The following ATP11A variants were observed in gnomAD, a reference collection of about 807,000 sequenced individuals.
ATP11A encodes phospholipid-transporting ATPase IH.
In ATP11A, 81 loss-of-function variants were observed where a neutral mutation model predicts 154.4. The observed-to-expected ratio is 0.52, with a 90% CI of 0.44 to 0.63. The LOEUF (loss-of-function observed/expected upper bound fraction) is 0.63. Among genes scored for constraint, ATP11A ranks in the 30% least tolerant of loss-of-function variants. The pLI is 0.00. For missense variants in ATP11A, 1,316 were observed against 1,474.3 expected (o/e 0.89, Z 1.76); for synonymous variants, 623 against 585.9 (o/e 1.06, Z -0.91).
chr13:112,735,576 T>G (rs757073460), intron 1 of ATP11A, among the ~76,000 whole-genome samples: 1 of 152,240 alleles, frequency 6.6e-6, no homozygotes, highest in African/African-American at 2.4e-5. Flanking sequence ...CGAGAGGTTG[T>G]GATGCTTGCT....
chr13:112,728,970 C>T (rs1406769652), intron 1 of ATP11A, among the ~76,000 whole-genome samples: 1 of 152,110 alleles, frequency 6.6e-6, no homozygotes, highest in African/African-American at 2.4e-5. Flanking sequence ...CAAGCAAATG[C>T]AGTGATCAGA....
In ATP11A at chr13:112,785,005, C is replaced by T; in HGVS notation, c.40-130C>T. 1 of 1,209,726 alleles carries T rather than the reference C, an allele frequency of 8.3e-7. No homozygotes were observed. The highest frequency in any genetic ancestry group is 2.4e-5 in the South Asian group (1 of 41,396). The allele number at this position is 1,209,726 out of a possible 1,614,324, so 74.9% of individuals were successfully genotyped here. A position where few individuals can be genotyped will look rare whatever the true frequency, so the allele number is the denominator to read the frequency against. On this transcript the variant is annotated intron_variant, in intron 1 of 29. Transcript: ENST00000375645. This position sits in a 1 kb window ranked among gnomAD's most constrained non-coding sequence, Gnocchi z 4.8. The stretch of plus-strand genomic sequence containing the variant: ...TGCTGGGCCCCAGGTCTCCCTGCAG[C>T]CCTGAACGATGCTCTCAGCAGCAGG...
At position 112,752,512 on chromosome 13, in the gene ATP11A, G is replaced by A. The variant is rs564830199; in HGVS notation, c.40-32623G>A. On this transcript the variant is annotated intron_variant, in intron 1 of 29. Coordinates refer to ENST00000375645, the MANE Select transcript of ATP11A (RefSeq NM_015205.3). ...TGTGCGGAGCGGGCTGTGAGGGACG[G>A]GGGCTCCTCTTTCTGTCCCCACCCC... Among the ~76,000 whole-genome samples the A allele has an allele frequency of 9.9e-4, 150 of 152,276 alleles. 4 individuals are homozygous for A. In the South Asian group the frequency reaches 0.028, roughly 28 times the overall value.
At chr13:112,865,675 A>T (rs1266739645) in intron 25 of ATP11A, among the ~76,000 whole-genome samples, 4 of 152,136 alleles carry the variant, frequency 2.6e-5, no homozygotes, top group Non-Finnish European at 5.9e-5. Flanking sequence ...TCAGCTTCCC[A>T]AGTAGCTGGG....
At position 112,697,160 on chromosome 13, in the gene ATP11A, T is replaced by C. The variant is rs282586; in HGVS notation, c.39+6705T>C. On this transcript the variant is annotated intron_variant, in intron 1 of 29. Coordinates refer to ENST00000375645, the MANE Select transcript of ATP11A (RefSeq NM_015205.3). This position sits in a 1 kb window ranked among gnomAD's most constrained non-coding sequence, Gnocchi z 4.0. The stretch of plus-strand genomic sequence containing the variant: ...GGGGCCTTCCGTGGGCTGCTTCCTG[T>C]GGCGTCCTGCGGGCTGGCCGCCCCT... Among the ~76,000 whole-genome samples the C allele has an allele frequency of 0.85, 129,109 of 152,192 alleles. 54,997 individuals are homozygous for C. The highest frequency in any genetic ancestry group is 0.95 in the East Asian group (4,920 of 5,156).
chr13:112,695,153 G>A (rs963630058), intron 1 of ATP11A, among the ~76,000 whole-genome samples: 4 of 151,984 alleles, frequency 2.6e-5, no homozygotes, highest in African/African-American at 4.8e-5. Context: ...GGACCTTGCT[G>A]TTGTTCAGCT....
At chr13:112,732,574 C>A (rs1160973083) in intron 1 of ATP11A, among the ~76,000 whole-genome samples, 2 of 152,182 alleles carry the variant, frequency 1.3e-5, no homozygotes, top group Admixed American at 6.5e-5. Flanking sequence ...AAAGCACTTA[C>A]AAATTTATTT....
chr13:112,808,557 C>T (rs2078391931), intron 4 of ATP11A, among the ~76,000 whole-genome samples: 1 of 151,566 alleles, frequency 6.6e-6, no homozygotes, highest in Admixed American at 6.6e-5. Context: ...TGGGACTTTC[C>T]CAAATGGCCT....
chr13:112,846,169 C>T lies in ATP11A; in HGVS notation c.1809+3790C>T, dbSNP rs9604461. On this transcript the variant is annotated intron_variant, in intron 17 of 29. Coordinates refer to ENST00000375645, the MANE Select transcript of ATP11A (RefSeq NM_015205.3). The stretch of plus-strand genomic sequence containing the variant: ...GTGATGCTGTGTTTCTTTGCTCAGC[C>T]GTGTTGAGCATCTCGGATCTGCGGC... Among the ~76,000 whole-genome samples, 1,010 of 152,190 alleles carry T rather than the reference C, an allele frequency of 6.6e-3. 18 individuals are homozygous for T. The highest frequency in any genetic ancestry group is 0.023 in the African/African-American group (950 of 41,500).
At chr13:112,793,311 C>T (rs568963645) in intron 2 of ATP11A, among the ~76,000 whole-genome samples, 3 of 152,320 alleles carry the variant, frequency 2.0e-5, no homozygotes, top group Non-Finnish European at 4.4e-5. Context: ...AAGTGATTCT[C>T]CTGCCTCAGC....
intron 1 of ATP11A, among the ~76,000 whole-genome samples, chr13:112,699,389 A>G (rs1372965768): frequency 6.6e-6 from 1 of 152,178 alleles, no homozygotes; most frequent in Non-Finnish European, 1.5e-5. Flanking sequence ...CTTGGAAGGC[A>G]TATTAGAAGT....
At chr13:112,852,781 T>C (rs2079804371) in intron 18 of ATP11A, among the ~76,000 whole-genome samples, 1 of 125,414 alleles carries the variant, frequency 8.0e-6, no homozygotes, top group African/African-American at 3.4e-5. Flanking sequence ...TAATGCCTGG[T>C]TGGCGGGGGG....
intron 1 of ATP11A, among the ~76,000 whole-genome samples, chr13:112,727,972 G>A (rs1327824874): frequency 6.6e-6 from 1 of 152,264 alleles, no homozygotes; most frequent in African/African-American, 2.4e-5. Flanking sequence ...GTTCCAGCAA[G>A]GGCCGTGTCT....
chr13:112,877,403 C>T lies in ATP11A; in HGVS notation c.3328-814C>T, dbSNP rs142830928. On this transcript the variant is annotated intron_variant, in intron 28 of 29. Transcript: ENST00000375645. ...GCTCTTTAGCTGTGCAGTTCCACAG[C>T]GGGCACACGTGTTCATGACAGGGCT... Among the ~76,000 whole-genome samples, 128 of 152,330 alleles carry T rather than the reference C, an allele frequency of 8.4e-4. 1 individual carries two copies. The highest frequency in any genetic ancestry group is 3.4e-3 in the Middle Eastern group (1 of 294).
chr13:112,862,386 G>T (rs1355706676), intron 24 of ATP11A, 54 bp from the exon 25 acceptor site: 2 of 1,604,586 alleles, frequency 1.2e-6, no homozygotes, highest in African/African-American at 1.3e-5. Flanking sequence ...GCCTGGGGGA[G>T]GTGCCGGGCC....
chr13:112,691,483 G>GGTGTGT (rs58956060), intron 1 of ATP11A, among the ~76,000 whole-genome samples: 2,304 of 125,082 alleles, frequency 0.018, 40 homozygotes, highest in African/African-American at 0.041. Flanking sequence ...AAAAAAAAAG[G>GGTGTGT]GTGTGTGTGT....
rs1033170014 is a variant in ATP11A, at chr13:112,887,134, T to C, written c.*5268T>C. The C allele has an allele frequency of 6.6e-6, 1 of 152,372 alleles. No homozygotes were observed. Among genetic ancestry groups the C allele is most frequent in the Middle Eastern group, 3.4e-3 (1 of 294 alleles). The allele number at this position is 152,372 out of a possible 1,614,324, so 9.4% of individuals were successfully genotyped here. On this transcript the variant is annotated 3_prime_UTR_variant, in exon 30 of 30. Coordinates refer to ENST00000375645, the MANE Select transcript of ATP11A (RefSeq NM_015205.3). Reference sequence around the variant, plus strand: ...ATCTGCTTGCAATAAAGAATAAAAGTCTGCTTCAGTTTCTTTATAAAGAAA... The same window carrying C: ...ATCTGCTTGCAATAAAGAATAAAAGCCTGCTTCAGTTTCTTTATAAAGAAA...
chr13:112,834,734 G>A (rs1255915479), intron 15 of ATP11A, 74 bp downstream of exon 15: 2 of 1,263,418 alleles, frequency 1.6e-6, no homozygotes, highest in Non-Finnish European at 2.3e-6. Context: ...TTCTGCGTTT[G>A]AGGGAAAAGA....
In ATP11A at chr13:112,836,268, T is replaced by C; in HGVS notation, c.1705+17T>C. 6.5e-7 allele frequency: 1 copy of C among 1,536,280 alleles called. No homozygotes were observed. The highest frequency in any genetic ancestry group is 9.0e-7 in the Non-Finnish European group (1 of 1,112,772). Reference sequence around the variant, plus strand: ...CTGCTACAGGTAAAATTTCTTTTTCTTTTGATTTATTAAGTTATACGTGGT... The same window carrying C: ...CTGCTACAGGTAAAATTTCTTTTTCCTTTGATTTATTAAGTTATACGTGGT... On this transcript the variant is annotated intron_variant, in intron 16 of 29. Coordinates refer to ENST00000375645, the MANE Select transcript of ATP11A (RefSeq NM_015205.3).
Sources: gnomAD v4.1 joint callset for allele counts (sites outside exome capture counted in the v4.1 genomes callset) on GRCh38, gnomAD v4.1.1 for gene constraint, Gnocchi (gnomAD v3.1) non-coding constraint, MANE v1.5 for transcripts, NCBI Gene and HGNC (gene_info 2026-07-23, HGNC 2026-07-21) for gene names.